Variants in LHPP observed in about 807,000 individuals in gnomAD.
The protein encoded by LHPP is hLHPP.
Under a neutral mutation model 30.3 loss-of-function variants are expected in LHPP, and 24 were observed. The ratio of observed to expected loss-of-function variants is 0.79; its 90% CI spans 0.57 to 1.11. The LOEUF is 1.11. Ranked by LOEUF, LHPP falls within the 50% of genes most tolerant of loss-of-function variation. The pLI, the probability that LHPP is intolerant of heterozygous loss-of-function variation, is 0.00. For missense variants in LHPP, 356 were observed against 367.2 expected (o/e 0.97, Z 0.25); for synonymous variants, 150 against 157.1 (o/e 0.95, Z 0.34).
At chr10:124,476,436 T>C (rs1405111177) in intron 1 of LHPP, among the ~76,000 whole-genome samples, 1 of 152,190 alleles carries the variant, frequency 6.6e-6, no homozygotes, top group Non-Finnish European at 1.5e-5. Context: ...CCTCGTCTCC[T>C]TCATGGCAGC....
chr10:124,547,043 G>GCA (rs10686410), intron 6 of LHPP, among the ~76,000 whole-genome samples: 151,468 of 151,632 alleles, frequency 1, 75,653 homozygotes, highest in Non-Finnish European at 1. Context: ...GCACACGCGC[G>GCA]CACACACACA....
chr10:124,550,105 C>T (rs1438579370), intron 6 of LHPP, among the ~76,000 whole-genome samples: 1 of 152,230 alleles, frequency 6.6e-6, no homozygotes, highest in African/African-American at 2.4e-5. Context: ...CCAGGCTCCT[C>T]GTTGCAAATG....
intron 6 of LHPP, among the ~76,000 whole-genome samples, chr10:124,591,279 C>T (rs1306764335): frequency 1.3e-5 from 2 of 152,102 alleles, no homozygotes; most frequent in East Asian, 1.9e-4. Context: ...CTGGGGTGCC[C>T]CTGAAGGTGG....
rs998053861 is a variant in LHPP at position 124,590,716 on chromosome 10, C to G, written c.717-22548C>G. Among the ~76,000 whole-genome samples the G allele has an allele frequency of 5.9e-5, 9 of 152,226 alleles. No individual in the cohort carries two copies. The highest frequency in any genetic ancestry group is 2.2e-4 in the African/African-American group (9 of 41,466). ...GAGGAGACACGGTGGGCACCAGCCC[C>G]AGCGCTGCCACCTGCCTGCCTCCTC... On this transcript the variant is annotated intron_variant, in intron 6 of 6. Transcript: ENST00000368842. The surrounding 1 kb of genome is among the most constrained non-coding windows in gnomAD (Gnocchi z 4.3).
chr10:124,484,153 G>A lies in LHPP; in HGVS notation c.140G>A (p.Arg47Gln), dbSNP rs145463900. Reference sequence around the variant, plus strand: ...CCCTGCCGCAGACTGAAGCGTTCCCGGCTGAAGGTGAGGTTCTGCACCAAC... The same window carrying A: ...CCCTGCCGCAGACTGAAGCGTTCCCAGCTGAAGGTGAGGTTCTGCACCAAC... ...VEAVARLKRS[R>Q]LKVRFCTNES... Residue 47 changes from arginine to glutamine, a missense_variant, in exon 2 of 7, where the codon CGG (arginine) becomes CAG (glutamine). Coordinates refer to ENST00000368842, the MANE Select transcript of LHPP (RefSeq NM_022126.4). 1.8e-4 allele frequency: 294 copies of A among 1,613,920 alleles called. No homozygotes were observed. The highest frequency in any genetic ancestry group is 2.4e-4 in the South Asian group (22 of 91,068).
At chr10:124,589,177 C>G (rs182577384) in intron 6 of LHPP, among the ~76,000 whole-genome samples, 46 of 152,336 alleles carry the variant, frequency 3.0e-4, no homozygotes, top group African/African-American at 1.1e-3. Flanking sequence ...GGGGACAGTC[C>G]GTGCAGAAAT....
intron 5 of LHPP, among the ~76,000 whole-genome samples, chr10:124,512,389 G>A (rs1369912539): frequency 6.6e-6 from 1 of 152,108 alleles, no homozygotes; most frequent in Non-Finnish European, 1.5e-5. Flanking sequence ...GGCTGAGGCA[G>A]GTGGATGACT....
intron 6 of LHPP, among the ~76,000 whole-genome samples, chr10:124,583,940 G>T (rs536028460): frequency 3.0e-4 from 45 of 152,164 alleles, no homozygotes; most frequent in Non-Finnish European, 5.7e-4. Context: ...TTGAAATTAG[G>T]AAGTATGAAT....
At chr10:124,483,271 C>T (rs549412184) in intron 1 of LHPP, among the ~76,000 whole-genome samples, 4 of 152,182 alleles carry the variant, frequency 2.6e-5, no homozygotes, top group East Asian at 1.9e-4. Context: ...AAACCTGTCT[C>T]GGGCCATCTG....
chr10:124,598,708 CATCT>C (rs1309078159), intron 6 of LHPP, among the ~76,000 whole-genome samples: 3 of 150,470 alleles, frequency 2.0e-5, no homozygotes, highest in African/African-American at 4.9e-5. Flanking sequence ...TCCACGTGTC[CATCT>C]GTCTACCCGT....
chr10:124,501,467 T>G (rs1953895738), intron 5 of LHPP, among the ~76,000 whole-genome samples: 1 of 151,392 alleles, frequency 6.6e-6, no homozygotes, highest in Admixed American at 6.6e-5. Flanking sequence ...CCAGACGTGG[T>G]GGTGTGCACC....
chr10:124,540,825 T>C (rs1355744345), intron 6 of LHPP, among the ~76,000 whole-genome samples: 1 of 152,164 alleles, frequency 6.6e-6, no homozygotes, highest in African/African-American at 2.4e-5. Flanking sequence ...TGGCCCTAGA[T>C]CTAGGCTCCA....
chr10:124,492,757 C>G (rs989671459), intron 3 of LHPP, among the ~76,000 whole-genome samples: 1 of 152,222 alleles, frequency 6.6e-6, no homozygotes, highest in African/African-American at 2.4e-5. Context: ...TGCTATGGAG[C>G]AAGCCACAGA....
intron 6 of LHPP, among the ~76,000 whole-genome samples, chr10:124,551,507 A>G (rs1050646910): frequency 2.0e-5 from 3 of 152,122 alleles, no homozygotes; most frequent in African/African-American, 7.2e-5. Context: ...TTCCCTCACC[A>G]GATCACAGGA....
intron 6 of LHPP, among the ~76,000 whole-genome samples, chr10:124,607,390 A>G (rs1177754756): frequency 2.6e-5 from 4 of 152,248 alleles, no homozygotes; most frequent in Non-Finnish European, 4.4e-5. Flanking sequence ...CGTAATTAAG[A>G]CATAAAAGTC....
intron 3 of LHPP, chr10:124,490,425 AGAGACTGCCT>A: frequency 3.0e-6 from 1 of 335,350 alleles, no homozygotes; most frequent in South Asian, 2.9e-5. Context: ...TCAGGACCTG[AGAGACTGCCT>A]GGCCTTCATG....
intron 2 of LHPP, among the ~76,000 whole-genome samples, chr10:124,487,010 T>C (rs1373804582): frequency 6.6e-6 from 1 of 152,278 alleles, no homozygotes; most frequent in Non-Finnish European, 1.5e-5. Flanking sequence ...TGTGTAAGGC[T>C]TCTTTTACCC....
chr10:124,597,608 C>T (rs899060275), intron 6 of LHPP, among the ~76,000 whole-genome samples: 3 of 152,130 alleles, frequency 2.0e-5, no homozygotes, highest in Admixed American at 2.0e-4. Flanking sequence ...TCCCTGCCCC[C>T]CTGCTTTCTC....
intron 6 of LHPP, among the ~76,000 whole-genome samples, chr10:124,528,047 G>A (rs940450012): frequency 2.7e-5 from 3 of 110,694 alleles, no homozygotes; most frequent in African/African-American, 4.0e-5. Context: ...GGGATTACCC[G>A]GCTTGAGCAT....
Sources: allele counts gnomAD v4.1 joint callset (sites outside exome capture counted in the v4.1 genomes callset), GRCh38; gene constraint gnomAD v4.1.1; non-coding constraint Gnocchi (gnomAD v3.1); transcripts MANE v1.5; gene names NCBI Gene and HGNC (gene_info 2026-07-23, HGNC 2026-07-21).